KCNQ3: variants seen among roughly 807,000 people sequenced by gnomAD.
The protein encoded by KCNQ3 is potassium voltage-gated channel subfamily KQT member 3.
Under a neutral mutation model 92.5 loss-of-function variants are expected in KCNQ3, and 30 were observed. The ratio of observed to expected loss-of-function variants is 0.32; its 90% confidence interval spans 0.24 to 0.44. The LOEUF (loss-of-function observed/expected upper bound fraction) is 0.44. KCNQ3 is among the 20% of genes least tolerant of loss of function. KCNQ3 has a pLI of 1.00. For missense variants in KCNQ3, 913 were observed against 1,140.3 expected (o/e 0.80, Z 2.87); for synonymous variants, 450 against 468.8 (o/e 0.96, Z 0.52).
At chr8:132,230,472 AGAG>A (rs1814609127) in intron 1 of KCNQ3, among the ~76,000 whole-genome samples, 1 of 150,064 alleles carries the variant, frequency 6.7e-6, no homozygotes, top group Admixed American at 6.6e-5. Context: ...AGAGAGAGAG[AGAG>A]AGAGAGAAAA....
At chr8:132,208,269 C>A (rs922545820) in intron 1 of KCNQ3, among the ~76,000 whole-genome samples, 1 of 151,864 alleles carries the variant, frequency 6.6e-6, no homozygotes, top group African/African-American at 2.4e-5. Context: ...GTAGGCATGG[C>A]ACATGCTACT....
intron 1 of KCNQ3, among the ~76,000 whole-genome samples, chr8:132,315,608 T>G (rs1586920581): frequency 6.6e-6 from 1 of 152,310 alleles, no homozygotes; most frequent in Middle Eastern, 3.4e-3. Flanking sequence ...GGTTGAGATA[T>G]AGGGTCTCTT....
chr8:132,174,431 C>T (rs1826480609), intron 5 of KCNQ3, 82 bp from the exon 6 acceptor site: 3 of 1,063,230 alleles, frequency 2.8e-6, no homozygotes, highest in East Asian at 2.6e-5. Context: ...ACCTGTAAGC[C>T]TCTCCATCAG....
intron 1 of KCNQ3, among the ~76,000 whole-genome samples, chr8:132,288,970 A>T (rs1011810006): frequency 2.6e-5 from 4 of 152,216 alleles, no homozygotes; most frequent in African/African-American, 9.6e-5. Context: ...ACTACATGTG[A>T]TACAAGTGAA....
At position 132,447,077 on chromosome 8, in the gene KCNQ3, G is replaced by A. The variant is rs528940043; in HGVS notation, c.386+33070C>T. 2.9e-5 allele frequency: 24 copies of A among 815,562 alleles called. No individual in the cohort carries two copies. In the South Asian group the frequency reaches 3.9e-4, roughly 13 times the overall value. 50.5% of individuals were successfully genotyped at this position (815,562 alleles called of 1,614,324 possible). On this transcript the variant is annotated intron_variant, in intron 1 of 14. Coordinates refer to ENST00000388996, the MANE Select transcript of KCNQ3 (RefSeq NM_004519.4). ...AGCCCCTTCTGGGAACCCAGGGTGA[G>A]TCACATCAGACTTGGTCCCCAAATA... is the stretch of plus-strand genomic sequence containing the variant.
intron 1 of KCNQ3, among the ~76,000 whole-genome samples, chr8:132,286,568 A>G (rs566170753): frequency 6.7e-4 from 102 of 152,290 alleles, no homozygotes; most frequent in Non-Finnish European, 1.3e-3. Flanking sequence ...TGAGTCTCAG[A>G]TGAGACTTTG....
chr8:132,380,942 A>AC (rs1219923844), intron 1 of KCNQ3, among the ~76,000 whole-genome samples: 1 of 151,754 alleles, frequency 6.6e-6, no homozygotes, highest in African/African-American at 2.4e-5. Context: ...AAAAAAAAAA[A>AC]AAAAAAAAAC....
chr8:132,352,066 C>T (rs1325483824), intron 1 of KCNQ3, among the ~76,000 whole-genome samples: 1 of 152,124 alleles, frequency 6.6e-6, no homozygotes, highest in African/African-American at 2.4e-5. Flanking sequence ...TGAATTAACT[C>T]AATTAATCCT....
rs1001698945 is a variant in KCNQ3 at position 132,468,144 on chromosome 8, G to T, written c.386+12003C>A. Among the ~76,000 whole-genome samples, 3 of 152,320 alleles carry T rather than the reference G, an allele frequency of 2.0e-5. No individual in the cohort carries two copies. In the South Asian group the frequency reaches 6.2e-4, roughly 32 times the overall value. On this transcript the variant is annotated intron_variant, in intron 1 of 14. Coordinates refer to ENST00000388996, the MANE Select transcript of KCNQ3 (RefSeq NM_004519.4). ...GACTTGCTGATTATTAAGTACTGCT[G>T]GTTTCATTTTTCAGATTGGCATTAC...
At chr8:132,219,104 G>C (rs574039918) in intron 1 of KCNQ3, among the ~76,000 whole-genome samples, 1 of 152,152 alleles carries the variant, frequency 6.6e-6, no homozygotes, top group African/African-American at 2.4e-5. Context: ...GGTCAATACC[G>C]GCAAATGGAG....
At chr8:132,441,476 C>A (rs1455685601) in intron 1 of KCNQ3, among the ~76,000 whole-genome samples, 3 of 152,154 alleles carry the variant, frequency 2.0e-5, no homozygotes, top group African/African-American at 7.2e-5. Flanking sequence ...ATGGCGTGAA[C>A]CCGGAAGGCA....
At chr8:132,295,299 ATAAT>A (rs1816983769) in intron 1 of KCNQ3, among the ~76,000 whole-genome samples, 4 of 152,328 alleles carry the variant, frequency 2.6e-5, no homozygotes, top group Admixed American at 6.5e-5. Flanking sequence ...AACATCACTG[ATAAT>A]TAGAGAAATG....
At chr8:132,463,731 T>C (rs958276020) in intron 1 of KCNQ3, among the ~76,000 whole-genome samples, 4 of 152,236 alleles carry the variant, frequency 2.6e-5, no homozygotes, top group Non-Finnish European at 5.9e-5. Flanking sequence ...AACTCACACT[T>C]TATCATGCTC....
chr8:132,442,236 TA>T (rs978309948), intron 1 of KCNQ3, among the ~76,000 whole-genome samples: 1 of 152,068 alleles, frequency 6.6e-6, no homozygotes, highest in African/African-American at 2.4e-5. Flanking sequence ...AATGAAAGTT[TA>T]AAAAAAGAAA....
At chr8:132,143,145 T>C (rs1389465182) in intron 9 of KCNQ3, among the ~76,000 whole-genome samples, 1 of 152,186 alleles carries the variant, frequency 6.6e-6, no homozygotes. Flanking sequence ...TTCCAGCAGT[T>C]TGATTGAGGA....
intron 1 of KCNQ3, among the ~76,000 whole-genome samples, chr8:132,227,779 G>A (rs141731956): frequency 1.3e-3 from 200 of 152,220 alleles, no homozygotes; most frequent in African/African-American, 4.6e-3. Flanking sequence ...CCAGTTATAC[G>A]AGTTCAATAT....
At chr8:132,178,197 G>T (rs902164750) in intron 4 of KCNQ3, among the ~76,000 whole-genome samples, 1 of 152,184 alleles carries the variant, frequency 6.6e-6, no homozygotes, top group Non-Finnish European at 1.5e-5. Flanking sequence ...ATGGATACAG[G>T]TTATGGCTGA....
chr8:132,249,163 T>C (rs1815300753), intron 1 of KCNQ3, among the ~76,000 whole-genome samples: 1 of 152,160 alleles, frequency 6.6e-6, no homozygotes, highest in African/African-American at 2.4e-5. Flanking sequence ...CAACAAGATT[T>C]ATTGCAAAGA....
intron 1 of KCNQ3, among the ~76,000 whole-genome samples, chr8:132,220,433 C>T (rs78135063): frequency 0.032 from 4,892 of 152,252 alleles, 137 homozygotes; most frequent in Non-Finnish European, 0.048. Flanking sequence ...AGCTGATGGA[C>T]TTTTTCCCAA....
Sources: gnomAD v4.1 joint callset for allele counts (sites outside exome capture counted in the v4.1 genomes callset) on GRCh38, gnomAD v4.1.1 for gene constraint, MANE v1.5 for transcripts, NCBI Gene and HGNC (gene_info 2026-07-23, HGNC 2026-07-21) for gene names.